Variants in ADAM32 observed in about 807,000 individuals in gnomAD.
The protein encoded by ADAM32 is disintegrin and metalloproteinase domain-containing protein 32.
In ADAM32, 89 loss-of-function variants were observed where a neutral mutation model predicts 114.9. The ratio of observed to expected loss-of-function variants is 0.77; its 90% confidence interval spans 0.65 to 0.92. The LOEUF is 0.92. Ranked by LOEUF, ADAM32 falls within the 40% of genes least tolerant of loss-of-function variation. The pLI, the probability that ADAM32 is intolerant of heterozygous loss-of-function variation, is 0.00. For synonymous variants in ADAM32, 285 were observed against 307.5 expected (o/e 0.93, Z 0.77); for missense variants, 870 against 932.8 (o/e 0.93, Z 0.88).
intron 14 of ADAM32, among the ~76,000 whole-genome samples, chr8:39,225,807 T>C (rs1809325902): frequency 6.6e-6 from 1 of 151,922 alleles, no homozygotes; most frequent in South Asian, 2.1e-4. Context: ...TTTAAATCAG[T>C]GAAAGCATTC....
intron 16 of ADAM32, among the ~76,000 whole-genome samples, chr8:39,238,211 G>A (rs528040993): frequency 1.3e-5 from 2 of 152,218 alleles, no homozygotes; most frequent in Non-Finnish European, 2.9e-5. Context: ...GCAGGTGCTA[G>A]TATCAATGGC....
chr8:39,165,412 C>T lies in ADAM32; in HGVS notation c.833+216C>T, dbSNP rs1208914828. ...CTAATAAAGCTTTTATAAATGAAGA[C>T]ATTGAGAGTTTCAAGAGGTTAAGCC... On this transcript the variant is annotated intron_variant, in intron 9 of 24. Transcript: ENST00000379907. The T allele has an allele frequency of 7.8e-5, 31 of 396,034 alleles. No individual in the cohort carries two copies. In the Admixed American group the frequency reaches 1.4e-3, roughly 18 times the overall value. 24.5% of individuals were successfully genotyped at this position (396,034 alleles called of 1,614,324 possible).
chr8:39,199,286 C>T (rs892940840), intron 11 of ADAM32, among the ~76,000 whole-genome samples: 2 of 152,122 alleles, frequency 1.3e-5, no homozygotes, highest in African/African-American at 4.8e-5. Context: ...AGCTATTATT[C>T]CTTACATAAG....
intron 20 of ADAM32, among the ~76,000 whole-genome samples, chr8:39,274,107 G>A (rs1003040560): frequency 1.3e-5 from 2 of 152,098 alleles, no homozygotes; most frequent in Admixed American, 6.6e-5. Flanking sequence ...TTTGAAATGT[G>A]CCCTTCTTGT....
chr8:39,262,754 C>A (rs1012317420), intron 19 of ADAM32, among the ~76,000 whole-genome samples: 35 of 151,910 alleles, frequency 2.3e-4, no homozygotes, highest in African/African-American at 8.0e-4. Flanking sequence ...GTCGCCCAGG[C>A]TGGAGTGCAG....
chr8:39,213,541 T>C (rs1214232264), intron 12 of ADAM32, among the ~76,000 whole-genome samples: 2 of 152,174 alleles, frequency 1.3e-5, no homozygotes, highest in Non-Finnish European at 2.9e-5. Flanking sequence ...TATACATACA[T>C]CTATTGCACA....
intron 11 of ADAM32, among the ~76,000 whole-genome samples, chr8:39,210,359 G>C (rs1243654602): frequency 6.6e-6 from 1 of 152,156 alleles, no homozygotes; most frequent in Non-Finnish European, 1.5e-5. Context: ...GTCTTTTCTT[G>C]TTGTTATGCC....
intron 1 of ADAM32, among the ~76,000 whole-genome samples, chr8:39,116,553 A>G (rs993506755): frequency 2.6e-5 from 4 of 152,060 alleles, no homozygotes; most frequent in African/African-American, 9.7e-5. Flanking sequence ...TTGCTGGTGT[A>G]TAGAAATGCT....
rs537011201 is a variant in ADAM32 at position 39,182,575 on chromosome 8, C to T, written c.916-4334C>T. The stretch of plus-strand genomic sequence containing the variant: ...AGCATTTTTCAAGAATACAATTTAT[C>T]ATCATTAACTGTAGTTACCAAGCGG... On this transcript the variant is annotated intron_variant, in intron 10 of 24. Transcript: ENST00000379907. Among the ~76,000 whole-genome samples, 3 of 152,268 alleles carry T rather than the reference C, an allele frequency of 2.0e-5. No homozygotes were observed. The South Asian group carries it at 6.2e-4, about 32-fold the overall frequency.
chr8:39,208,450 A>G (rs1807993459), intron 11 of ADAM32, among the ~76,000 whole-genome samples: 1 of 152,198 alleles, frequency 6.6e-6, no homozygotes, highest in Non-Finnish European at 1.5e-5. Flanking sequence ...AATGGTTTAC[A>G]CACCATAGTT....
Position 39,185,834 on chromosome 8 carries a change from G to A in ADAM32, c.916-1075G>A, listed in dbSNP as rs555080545. Among the ~76,000 whole-genome samples, 18 of 152,192 alleles carry A rather than the reference G, an allele frequency of 1.2e-4. No homozygotes were observed. The South Asian group carries it at 3.5e-3, about 30-fold the overall frequency. ...AATTAATTCTTGATTTGGACCTAGA[G>A]GCAATGTGGGGTAGTGAGACTAATG... On this transcript the variant is annotated intron_variant, in intron 10 of 24. Coordinates refer to ENST00000379907, the MANE Select transcript of ADAM32 (RefSeq NM_145004.7).
chr8:39,267,797 C>A (rs1447774227), intron 19 of ADAM32, among the ~76,000 whole-genome samples: 1 of 152,148 alleles, frequency 6.6e-6, no homozygotes, highest in Non-Finnish European at 1.5e-5. Flanking sequence ...TTGAAAAGTG[C>A]AGGAATGCGG....
intron 7 of ADAM32, among the ~76,000 whole-genome samples, chr8:39,162,510 C>T (rs1045105462): frequency 1.3e-5 from 2 of 152,134 alleles, no homozygotes; most frequent in Non-Finnish European, 2.9e-5. Flanking sequence ...ATTTATATTC[C>T]TTTGGGTATA....
intron 2 of ADAM32, among the ~76,000 whole-genome samples, chr8:39,123,280 G>A (rs559821896): frequency 6.6e-6 from 1 of 152,328 alleles, no homozygotes; most frequent in East Asian, 1.9e-4. Context: ...GAATTGGGTA[G>A]TGTAAATCCT....
chr8:39,283,769 T>TTA, intron 24 of ADAM32, 145 bp downstream of exon 24: 32 of 499,880 alleles, frequency 6.4e-5, no homozygotes, highest in Non-Finnish European at 8.0e-5. Flanking sequence ...CTTTCTTTTA[T>TTA]TCTTTTTTTT....
chr8:39,113,611 A>G (rs1221970909), intron 1 of ADAM32, among the ~76,000 whole-genome samples: 1 of 152,168 alleles, frequency 6.6e-6, no homozygotes, highest in Non-Finnish European at 1.5e-5. Flanking sequence ...CTGGACCCCA[A>G]GAAACTTTGG....
At chr8:39,167,972 G>A (rs1348764519) in intron 9 of ADAM32, 3 of 152,050 alleles carry the variant, frequency 2.0e-5, no homozygotes, top group South Asian at 2.1e-4. Context: ...GTAAATGATC[G>A]TATCATCACC....
chr8:39,177,932 G>A (rs1234588438), intron 10 of ADAM32, among the ~76,000 whole-genome samples: 1 of 151,850 alleles, frequency 6.6e-6, no homozygotes, highest in Non-Finnish European at 1.5e-5. Context: ...CCATCTGACT[G>A]CCTTAACATT....
intron 11 of ADAM32, among the ~76,000 whole-genome samples, chr8:39,189,310 A>G (rs1806449954): frequency 6.6e-6 from 1 of 152,190 alleles, no homozygotes; most frequent in South Asian, 2.1e-4. Flanking sequence ...TCTAGTCTAC[A>G]CTTCCTTCAT....
Sources: allele counts gnomAD v4.1 joint callset (sites outside exome capture counted in the v4.1 genomes callset), GRCh38; gene constraint gnomAD v4.1.1; transcripts MANE v1.5; gene names NCBI Gene and HGNC (gene_info 2026-07-23, HGNC 2026-07-21).